Variants in RGS17 observed in about 807,000 individuals in gnomAD.
RGS17 encodes the protein regulator of G protein signaling 17.
In RGS17, 12 loss-of-function variants were observed where a neutral mutation model predicts 25.5. That is an observed-to-expected ratio of 0.47 (90% CI 0.30 to 0.76). The LOEUF (loss-of-function observed/expected upper bound fraction) is 0.76. RGS17 is among the 30% of genes least tolerant of loss of function. The probability of loss-of-function intolerance (pLI) is 0.07; values close to 1 mark genes in which losing one functional copy is unlikely to be tolerated. For missense variants in RGS17, 196 were observed against 242.2 expected (o/e 0.81, Z 1.27); for synonymous variants, 71 against 76.9 (o/e 0.92, Z 0.40).
At chr6:153,055,519 C>G (rs148951486) in intron 1 of RGS17, among the ~76,000 whole-genome samples, 1 of 152,014 alleles carries the variant, frequency 6.6e-6, no homozygotes, top group Non-Finnish European at 1.5e-5. Context: ...ACTGGTCTCT[C>G]CTTTGCAAAG....
chr6:153,014,487 A>G (rs2129105532), intron 4 of RGS17, among the ~76,000 whole-genome samples: 1 of 152,308 alleles, frequency 6.6e-6, no homozygotes, highest in East Asian at 1.9e-4. Context: ...ATTTCAACTC[A>G]CAAGTATTAT....
intron 2 of RGS17, 50 bp from the exon 3 acceptor site, chr6:153,026,593 G>A (rs1426542993): frequency 7.1e-7 from 1 of 1,402,164 alleles, no homozygotes; most frequent in Non-Finnish European, 1.0e-6. Flanking sequence ...TCAATCAGTT[G>A]AAGAAAAGAA....
At position 153,110,425 on chromosome 6, in the gene RGS17, T is replaced by TACACACACACACACACACACAC. The variant is rs149969105; in HGVS notation, c.-26+20677_-26+20698dup. Among the ~76,000 whole-genome samples the TACACACACACACACACACACAC allele has an allele frequency of 5.6e-3, 816 of 144,908 alleles. 10 individuals carry two copies. The highest frequency in any genetic ancestry group is 0.012 in the South Asian group (52 of 4,412). On this transcript the variant is annotated intron_variant, in intron 1 of 4. Transcript: ENST00000206262. ...TTTGATGGACTCTTTACTGCCAACA[T>TACACACACACACACACACACAC]ACACACACACACACACACACACACA...
intron 1 of RGS17, among the ~76,000 whole-genome samples, chr6:153,097,633 T>C (rs531445024): frequency 1.3e-5 from 2 of 152,142 alleles, no homozygotes; most frequent in African/African-American, 4.8e-5. Flanking sequence ...ACTGAATTCA[T>C]GCCTCAGTCT....
intron 1 of RGS17, among the ~76,000 whole-genome samples, chr6:153,088,058 C>G (rs946564293): frequency 1.3e-5 from 2 of 152,184 alleles, no homozygotes; most frequent in Non-Finnish European, 2.9e-5. Context: ...TCATTTCATG[C>G]CAGGGCACAG....
At chr6:153,105,291 A>T (rs1206613810) in intron 1 of RGS17, among the ~76,000 whole-genome samples, 2 of 152,132 alleles carry the variant, frequency 1.3e-5, no homozygotes, top group Admixed American at 6.6e-5. Flanking sequence ...TTGCTGTGCT[A>T]TAAACTGTGG....
intron 1 of RGS17, among the ~76,000 whole-genome samples, chr6:153,120,058 C>T (rs1225169780): frequency 6.6e-6 from 1 of 152,148 alleles, no homozygotes; most frequent in Non-Finnish European, 1.5e-5. Flanking sequence ...TATTCTTGAC[C>T]TCTAACCATG....
At chr6:153,051,866 G>A (rs1039870668) in intron 1 of RGS17, among the ~76,000 whole-genome samples, 4 of 152,196 alleles carry the variant, frequency 2.6e-5, no homozygotes, top group African/African-American at 7.2e-5. Context: ...TTAGTATGGT[G>A]TGAAGCATGG....
intron 1 of RGS17, among the ~76,000 whole-genome samples, chr6:153,101,836 T>C (rs1273724006): frequency 6.6e-6 from 1 of 152,112 alleles, no homozygotes; most frequent in Non-Finnish European, 1.5e-5. Context: ...CATGCCTTGT[T>C]TCCCCGTCAC....
At chr6:153,099,446 A>AT (rs1275566442) in intron 1 of RGS17, among the ~76,000 whole-genome samples, 2 of 152,166 alleles carry the variant, frequency 1.3e-5, no homozygotes, top group South Asian at 2.1e-4. Flanking sequence ...AACTTGAATT[A>AT]TTTTTTTTAC....
chr6:153,061,979 A>C (rs1462836639), intron 1 of RGS17, among the ~76,000 whole-genome samples: 1 of 152,198 alleles, frequency 6.6e-6, no homozygotes, highest in African/African-American at 2.4e-5. Context: ...GATAGAATCA[A>C]ATAATCAGTT....
chr6:153,054,009 CGTATATATGTATATAATATATATACAT>C (rs1776508476), intron 1 of RGS17, among the ~76,000 whole-genome samples: 1 of 39,242 alleles, frequency 2.5e-5, no homozygotes, highest in African/African-American at 9.6e-5. Flanking sequence ...TACATATATA[CGTATATATGTATATAATATATATACAT>C]ATATATGTAT....
intron 2 of RGS17, among the ~76,000 whole-genome samples, chr6:153,036,101 T>C (rs1179274689): frequency 6.6e-6 from 1 of 152,176 alleles, no homozygotes; most frequent in Non-Finnish European, 1.5e-5. Flanking sequence ...TCACTCAGGC[T>C]TGAGTGCAGT....
At chr6:153,039,288 C>T (rs1776291536) in intron 2 of RGS17, among the ~76,000 whole-genome samples, 1 of 152,166 alleles carries the variant, frequency 6.6e-6, no homozygotes, top group Non-Finnish European at 1.5e-5. Context: ...AAAATAGACA[C>T]AACATTTTCC....
Position 153,011,622 on chromosome 6 carries a change from A to C in RGS17, c.585T>G (p.Ile195Met). The C allele has an allele frequency of 6.2e-7, 1 of 1,611,702 alleles. No homozygotes were observed. Among genetic ancestry groups the C allele is most frequent in the Non-Finnish European group, 8.5e-7 (1 of 1,178,778 alleles). The change falls in exon 5 of 5, where the codon ATT becomes ATG. Residue 195 changes from isoleucine to methionine, a missense_variant. By Grantham distance (10) the Ile-to-Met change is conservative. Transcript: ENST00000206262. Reference sequence around the variant, plus strand: ...CAGTACTTTCAACAAATGACTTATAAATTTGAGAGTTCAAAAACCTTGGAA... The same window carrying C: ...CAGTACTTTCAACAAATGACTTATACATTTGAGAGTTCAAAAACCTTGGAA... ...DSFPRFLNSQ[I>M]YKSFVESTAG...
At chr6:153,057,274 G>A (rs557125812) in intron 1 of RGS17, among the ~76,000 whole-genome samples, 4 of 152,154 alleles carry the variant, frequency 2.6e-5, no homozygotes, top group South Asian at 2.1e-4. Context: ...TGGTCAAGAT[G>A]CCGTTGCAGT....
At chr6:153,043,012 T>C (rs1776341619) in intron 2 of RGS17, among the ~76,000 whole-genome samples, 2 of 152,140 alleles carry the variant, frequency 1.3e-5, no homozygotes, top group South Asian at 2.1e-4. Context: ...CCAAAATGTA[T>C]GGTTCAAAGG....
chr6:153,011,863 C>A (rs750016327), intron 4 of RGS17, 101 bp from the exon 5 acceptor site: 5 of 778,298 alleles, frequency 6.4e-6, no homozygotes, highest in Non-Finnish European at 9.9e-6. Flanking sequence ...CTTTAAAGAG[C>A]AAATCCAACT....
At chr6:153,111,263 G>A (rs1777465751) in intron 1 of RGS17, among the ~76,000 whole-genome samples, 4 of 152,248 alleles carry the variant, frequency 2.6e-5, no homozygotes, top group South Asian at 4.1e-4. Flanking sequence ...GGGGAGGGGC[G>A]TCCGCCATTA....
Sources: allele counts gnomAD v4.1 joint callset (sites outside exome capture counted in the v4.1 genomes callset), GRCh38; gene constraint gnomAD v4.1.1; transcripts MANE v1.5; gene names NCBI Gene and HGNC (gene_info 2026-07-23, HGNC 2026-07-21).